The following LINC00305 variants were observed in gnomAD, a reference collection of about 807,000 sequenced individuals.
LINC00305 encodes long intergenic non-protein coding RNA 305.
intron 3 of LINC00305, among the ~76,000 whole-genome samples, chr18:64,085,797 G>A (rs895470452): frequency 6.6e-6 from 1 of 152,162 alleles, no homozygotes; most frequent in African/African-American, 2.4e-5. Flanking sequence ...CAGCATGCAG[G>A]CTCATAAAAG....
chr18:64,110,043 C>T (rs1455894537), intron 1 of LINC00305, among the ~76,000 whole-genome samples: 7 of 151,906 alleles, frequency 4.6e-5, no homozygotes, highest in African/African-American at 1.7e-4. Flanking sequence ...AATTCTTCTT[C>T]TTCCAATATG....
intron 1 of LINC00305, among the ~76,000 whole-genome samples, chr18:64,112,768 T>C (rs2051320798): frequency 6.6e-6 from 1 of 152,230 alleles, no homozygotes; most frequent in Admixed American, 6.5e-5. Flanking sequence ...GAATCTTTTC[T>C]ATTTTACTTC....
intron 1 of LINC00305, among the ~76,000 whole-genome samples, chr18:64,123,795 G>A (rs982798503): frequency 2.0e-5 from 3 of 152,036 alleles, no homozygotes; most frequent in African/African-American, 7.2e-5. Flanking sequence ...GGTCATGTGG[G>A]TGGATTAATT....
At chr18:64,131,476 T>C (rs900755709) in intron 1 of LINC00305, among the ~76,000 whole-genome samples, 3 of 152,200 alleles carry the variant, frequency 2.0e-5, no homozygotes, top group Non-Finnish European at 4.4e-5. Context: ...ATTGGGCAGC[T>C]GCAGGAGAGA....
At chr18:64,115,524 T>C (rs370516384) in intron 1 of LINC00305, among the ~76,000 whole-genome samples, 1 of 152,112 alleles carries the variant, frequency 6.6e-6, no homozygotes, top group Non-Finnish European at 1.5e-5. Flanking sequence ...GGGTGTCAGA[T>C]GGGACAGTGG....
chr18:64,095,050 G>A (rs961595811), intron 3 of LINC00305, among the ~76,000 whole-genome samples: 1 of 152,014 alleles, frequency 6.6e-6, no homozygotes, highest in African/African-American at 2.4e-5. Flanking sequence ...ACTGATCATG[G>A]TTATGATTCT....
intron 1 of LINC00305, among the ~76,000 whole-genome samples, chr18:64,103,910 G>A (rs1169649924): frequency 6.6e-6 from 1 of 152,222 alleles, no homozygotes; most frequent in Non-Finnish European, 1.5e-5. Context: ...TACAGGCACA[G>A]AAAGCACTGT....
chr18:64,087,702 G>C (rs2051208618), intron 3 of LINC00305, among the ~76,000 whole-genome samples: 1 of 152,136 alleles, frequency 6.6e-6, no homozygotes, highest in East Asian at 1.9e-4. Context: ...ACCTATCTCT[G>C]GATCTGGGTG....
At chr18:64,112,150 T>C (rs1230402252) in intron 1 of LINC00305, among the ~76,000 whole-genome samples, 1 of 152,180 alleles carries the variant, frequency 6.6e-6, no homozygotes, top group Non-Finnish European at 1.5e-5. Flanking sequence ...CAGATGCTCC[T>C]TATTCTATTA....
At chr18:64,102,914 T>A (rs113628021) in intron 1 of LINC00305, among the ~76,000 whole-genome samples, 1 of 152,106 alleles carries the variant, frequency 6.6e-6, no homozygotes, top group African/African-American at 2.4e-5. Context: ...ACCTCCAACA[T>A]TGGAGATTGC....
At position 64,130,356 on chromosome 18, in the gene LINC00305, T is replaced by A. The variant is rs1033487816; in HGVS notation, n.314+18419A>T. On this transcript the variant is annotated intron_variant and non_coding_transcript_variant, in intron 1 of 3. Coordinates refer to ENST00000666468, the Ensembl canonical transcript of LINC00305. Reference sequence around the variant, plus strand: ...ATTGGAGAATAATTAGGTCCCTTTTTCTTACAATTTCTGTGTGTTTTAAAT... The same window carrying A: ...ATTGGAGAATAATTAGGTCCCTTTTACTTACAATTTCTGTGTGTTTTAAAT... 5.3e-5 allele frequency among the ~76,000 whole-genome samples: 8 copies of A among 152,178 alleles called. No individual in the cohort carries two copies. In the South Asian group the frequency reaches 1.7e-3, roughly 31 times the overall value.
chr18:64,134,682 C>T (rs980726860), intron 1 of LINC00305, among the ~76,000 whole-genome samples: 1 of 152,148 alleles, frequency 6.6e-6, no homozygotes, highest in African/African-American at 2.4e-5. Context: ...ACGTCATTTT[C>T]TTTCTCACAA....
At chr18:64,112,390 C>T (rs978689655) in intron 1 of LINC00305, among the ~76,000 whole-genome samples, 1 of 147,870 alleles carries the variant, frequency 6.8e-6, no homozygotes, top group African/African-American at 2.5e-5. Context: ...ACAATGGGAA[C>T]ATCTATCATA....
At chr18:64,101,624 C>T (rs1312411400) in intron 1 of LINC00305, among the ~76,000 whole-genome samples, 1 of 152,126 alleles carries the variant, frequency 6.6e-6, no homozygotes, top group African/African-American at 2.4e-5. Context: ...ACGATGACTT[C>T]ATTTTAACAG....
chr18:64,118,119 T>TAGCTGTTCACACTA (rs1418305670), intron 1 of LINC00305, among the ~76,000 whole-genome samples: 1 of 152,176 alleles, frequency 6.6e-6, no homozygotes, highest in African/African-American at 2.4e-5. Flanking sequence ...CATTTCATTC[T>TAGCTGTTCACACTA]AGTCAGGGGG....
chr18:64,094,568 G>A (rs1402110260), intron 3 of LINC00305, among the ~76,000 whole-genome samples: 1 of 152,058 alleles, frequency 6.6e-6, no homozygotes, highest in African/African-American at 2.4e-5. Flanking sequence ...CCTTCCCTTG[G>A]TAAAGCAGAA....
chr18:64,133,047 G>A (rs1370531239), intron 1 of LINC00305, among the ~76,000 whole-genome samples: 8 of 152,198 alleles, frequency 5.3e-5, no homozygotes, highest in Non-Finnish European at 1.2e-4. Flanking sequence ...TCAGCCAGAA[G>A]AGCCTCCTGT....
intron 3 of LINC00305, among the ~76,000 whole-genome samples, chr18:64,092,300 C>T (rs548288794): frequency 3.3e-5 from 5 of 152,322 alleles, no homozygotes; most frequent in South Asian, 4.1e-4. Context: ...TGGCGGCTCA[C>T]GCCTGTAATC....
intron 1 of LINC00305, among the ~76,000 whole-genome samples, chr18:64,099,265 ACT>A (rs796984418): frequency 4.6e-5 from 7 of 152,236 alleles, no homozygotes; most frequent in African/African-American, 1.7e-4. Flanking sequence ...ATACATGTGT[ACT>A]CTCTAAATTT....
Sources: gnomAD v4.1 joint callset for allele counts (sites outside exome capture counted in the v4.1 genomes callset) on GRCh38, gnomAD v4.1.1 for gene constraint, MANE v1.5 for transcripts, NCBI Gene and HGNC (gene_info 2026-07-23, HGNC 2026-07-21) for gene names.